The following SORCS1 variants were observed in gnomAD, a reference collection of about 807,000 sequenced individuals.
SORCS1 encodes VPS10 domain-containing receptor SorCS1.
SORCS1 carries 60 observed loss-of-function variants against 146.1 expected under a neutral mutation model. The ratio of observed to expected loss-of-function variants is 0.41; its 90% CI spans 0.33 to 0.51. SORCS1 has a LOEUF of 0.51. SORCS1 is among the 20% of genes least tolerant of loss of function. The pLI, the probability that SORCS1 is intolerant of heterozygous loss-of-function variation, is 0.21. For missense variants in SORCS1, 1,352 were observed against 1,487.6 expected, an observed-to-expected ratio of 0.91 and a Z score of 1.50; for synonymous variants, 637 against 584.0, an observed-to-expected ratio of 1.09 and a Z score of -1.31.
chr10:107,126,747 G>A (rs560529147), intron 1 of SORCS1, among the ~76,000 whole-genome samples: 1 of 152,086 alleles, frequency 6.6e-6, no homozygotes, highest in Non-Finnish European at 1.5e-5. Context: ...CTTTAATCGC[G>A]GGCATTTCCC....
chr10:107,173,325 T>G, the SORCS1 span, among the ~76,000 whole-genome samples: 1 of 152,256 alleles, frequency 6.6e-6, no homozygotes, highest in East Asian at 1.9e-4. Flanking sequence ...GGATTATGGT[T>G]ATTAATATTG....
At chr10:107,030,999 T>C (rs558412628) in intron 1 of SORCS1, among the ~76,000 whole-genome samples, 36 of 152,262 alleles carry the variant, frequency 2.4e-4, no homozygotes, top group African/African-American at 7.9e-4. Flanking sequence ...AGAGAAACCA[T>C]CAGATTAAAA....
At chr10:106,648,774 C>T (rs1849641104) in intron 18 of SORCS1, among the ~76,000 whole-genome samples, 1 of 152,086 alleles carries the variant, frequency 6.6e-6, no homozygotes, top group Non-Finnish European at 1.5e-5. Context: ...TGGGCCCCTG[C>T]CCTGGGACCT....
intron 10 of SORCS1, among the ~76,000 whole-genome samples, chr10:106,687,901 T>C (rs898274070): frequency 1.3e-5 from 2 of 152,200 alleles, no homozygotes; most frequent in South Asian, 2.1e-4. Context: ...TCACCAGGGA[T>C]AGAAACTGTC....
intron 1 of SORCS1, among the ~76,000 whole-genome samples, chr10:107,119,006 C>T (rs1299732306): frequency 6.6e-6 from 1 of 152,180 alleles, no homozygotes; most frequent in Non-Finnish European, 1.5e-5. Flanking sequence ...TCCCACATGA[C>T]TCACACAGGT....
intron 1 of SORCS1, among the ~76,000 whole-genome samples, chr10:107,081,782 G>A (rs1384203175): frequency 1.3e-5 from 2 of 152,032 alleles, no homozygotes; most frequent in African/African-American, 2.4e-5. Context: ...AAAGATAATT[G>A]GCCCTTCCTC....
At chr10:106,990,839 TA>T (rs1472797905) in intron 1 of SORCS1, among the ~76,000 whole-genome samples, 1 of 152,200 alleles carries the variant, frequency 6.6e-6, no homozygotes, top group Non-Finnish European at 1.5e-5. Flanking sequence ...AAAATCTCAT[TA>T]AAAGAGGTTG....
At chr10:106,777,263 C>T (rs1215697800) in intron 3 of SORCS1, among the ~76,000 whole-genome samples, 1 of 152,194 alleles carries the variant, frequency 6.6e-6, no homozygotes, top group South Asian at 2.1e-4. Flanking sequence ...TACCCCACCA[C>T]CCTCATCACC....
chr10:106,647,003 A>G (rs1333335204), intron 18 of SORCS1, among the ~76,000 whole-genome samples: 3 of 32,932 alleles, frequency 9.1e-5, no homozygotes, highest in African/African-American at 3.5e-4. Context: ...GTGTGTTTGT[A>G]TGTGTATATA....
At chr10:106,890,768 G>A (rs928903486) in intron 2 of SORCS1, among the ~76,000 whole-genome samples, 8 of 151,948 alleles carry the variant, frequency 5.3e-5, no homozygotes, top group African/African-American at 1.9e-4. Flanking sequence ...AAAGTGGAAT[G>A]TCAGTTACTG....
chr10:106,816,326 C>T (rs1947739296), intron 3 of SORCS1, among the ~76,000 whole-genome samples: 1 of 152,188 alleles, frequency 6.6e-6, no homozygotes, highest in Admixed American at 6.5e-5. Context: ...ATGCCCTAAA[C>T]CTAAATTTGA....
chr10:106,883,235 G>A (rs1048987717), intron 2 of SORCS1, among the ~76,000 whole-genome samples: 1 of 152,130 alleles, frequency 6.6e-6, no homozygotes, highest in African/African-American at 2.4e-5. Flanking sequence ...GGCCTTCAAA[G>A]TGCTTCTGAA....
intron 16 of SORCS1, among the ~76,000 whole-genome samples, chr10:106,669,986 A>C (rs956281042): frequency 1.3e-5 from 2 of 152,258 alleles, no homozygotes; most frequent in Non-Finnish European, 2.9e-5. Flanking sequence ...TTAATGATTC[A>C]ATATGTAACC....
chr10:106,933,337 G>C (rs555927453), intron 2 of SORCS1, among the ~76,000 whole-genome samples: 2 of 152,106 alleles, frequency 1.3e-5, no homozygotes, highest in Non-Finnish European at 2.9e-5. Context: ...ATTGGTCTTG[G>C]GTGGGGCCAC....
intron 1 of SORCS1, among the ~76,000 whole-genome samples, chr10:106,968,551 G>A (rs191127142): frequency 4.9e-4 from 74 of 152,162 alleles, no homozygotes; most frequent in Admixed American, 1.9e-3. Flanking sequence ...TTTCCACTTC[G>A]CCATCTTGTT....
At chr10:106,741,854 C>T (rs1332598910) in intron 5 of SORCS1, among the ~76,000 whole-genome samples, 4 of 152,192 alleles carry the variant, frequency 2.6e-5, no homozygotes, top group Non-Finnish European at 5.9e-5. Flanking sequence ...AATACATTCT[C>T]TCCCTTCTCA....
At chr10:106,674,356 A>AAAAAAAAAAAAT (rs1851863006) in intron 14 of SORCS1, among the ~76,000 whole-genome samples, 1 of 147,600 alleles carries the variant, frequency 6.8e-6, no homozygotes, top group South Asian at 2.1e-4. Context: ...AAAAAAAAAA[A>AAAAAAAAAAAAT]AGTAGTAGTG....
At chr10:106,850,129 C>CGGCTG in intron 2 of SORCS1, among the ~76,000 whole-genome samples, 1 of 151,572 alleles carries the variant, frequency 6.6e-6, no homozygotes, top group East Asian at 2.0e-4. Flanking sequence ...TCGAGCTTCC[C>CGGCTG]GGCTGCTTTG....
chr10:106,974,385 G>A (rs1274764893), intron 1 of SORCS1, among the ~76,000 whole-genome samples: 1 of 152,230 alleles, frequency 6.6e-6, no homozygotes, highest in Non-Finnish European at 1.5e-5. Flanking sequence ...TGGAAAATGT[G>A]AAGCATGTTC....
Sources: allele counts gnomAD v4.1 joint callset (sites outside exome capture counted in the v4.1 genomes callset), GRCh38; gene constraint gnomAD v4.1.1; transcripts MANE v1.5; gene names NCBI Gene and HGNC (gene_info 2026-07-23, HGNC 2026-07-21).